Variants in CLEC2D observed in about 807,000 individuals in gnomAD.
CLEC2D encodes the protein C-type lectin domain family 2 member D.
A neutral mutation model predicts 20.0 loss-of-function variants in CLEC2D; 16 were observed. The ratio of observed to expected loss-of-function variants is 0.80; its 90% CI spans 0.54 to 1.22. The LOEUF is 1.22. Among genes scored for constraint, CLEC2D ranks in the 50% most tolerant of loss-of-function variants. The pLI is 0.00. For missense variants in CLEC2D, 207 were observed against 221.5 expected, an observed-to-expected ratio of 0.93 and a Z score of 0.42; for synonymous variants, 77 against 71.1, an observed-to-expected ratio of 1.08 and a Z score of -0.42.
rs185314720 is a variant in CLEC2D at position 9,679,123 on chromosome 12, G to A, written c.62-1800G>A. Among the ~76,000 whole-genome samples the A allele has an allele frequency of 7.0e-4, 107 of 152,002 alleles. No individual in the cohort carries two copies. The East Asian group carries it at 0.019, about 26-fold the overall frequency. On this transcript the variant is annotated intron_variant, in intron 1 of 4. Transcript: ENST00000290855. The stretch of plus-strand genomic sequence containing the variant: ...TTTATTTACATGTAAGAATACATAA[G>A]CATATAAATATATATAAAAGATGTA...
At chr12:9,680,564 T>C (rs185929281) in intron 1 of CLEC2D, among the ~76,000 whole-genome samples, 1 of 152,214 alleles carries the variant, frequency 6.6e-6, no homozygotes, top group Non-Finnish European at 1.5e-5. Flanking sequence ...GATTTCCTCT[T>C]AATATCATTT....
chr12:9,690,757 T>TA (rs1865844606), intron 3 of CLEC2D, among the ~76,000 whole-genome samples: 1 of 151,612 alleles, frequency 6.6e-6, no homozygotes, highest in Non-Finnish European at 1.5e-5. Flanking sequence ...TTACCAAAAT[T>TA]ATGCAGAAAA....
In CLEC2D at chr12:9,696,155, A is replaced by G. The variant is rs775188783; in HGVS notation, c.*1281A>G. On this transcript the variant is annotated 3_prime_UTR_variant, in exon 5 of 5. Coordinates refer to ENST00000290855, the MANE Select transcript of CLEC2D (RefSeq NM_013269.6). The stretch of plus-strand genomic sequence containing the variant: ...CCCAAAGTGGAAACCAAGTTCATCA[A>G]TTATGTGAAGAATTTCTTCTGGATG... 1.1e-5 allele frequency: 10 copies of G among 888,954 alleles called. No individual in the cohort carries two copies. Among genetic ancestry groups the G allele is most frequent in the Admixed American group, 3.4e-5 (2 of 58,660 alleles). 55.1% of individuals were successfully genotyped at this position (888,954 alleles called of 1,614,324 possible). A position where few individuals can be genotyped will look rare whatever the true frequency, so the allele number is the denominator to read the frequency against.
In CLEC2D at chr12:9,696,548, TAA is replaced by T. The variant is rs56394007; in HGVS notation, c.*1688_*1689del. ...AATAAAACTCAGTATTTTAATAAAGTAAAAAAAAAAAAAAAGGTATGGGGAAA... is the reference window on the plus strand; with the variant it reads ...AATAAAACTCAGTATTTTAATAAAGTAAAAAAAAAAAAAGGTATGGGGAAA... On this transcript the variant is annotated 3_prime_UTR_variant, in exon 5 of 5. Transcript: ENST00000290855. 0.032 allele frequency: 4,930 copies of T among 152,008 alleles called. 1 individual carries two copies. Among genetic ancestry groups the T allele is most frequent in the East Asian group, 0.095 (772 of 8,116 alleles). 9.4% of individuals were successfully genotyped at this position (152,008 alleles called of 1,614,324 possible).
At chr12:9,674,150 CT>C (rs1827536821) in intron 1 of CLEC2D, 1 of 152,232 alleles carries the variant, frequency 6.6e-6, no homozygotes, top group South Asian at 2.1e-4. Context: ...GTAAAAACTC[CT>C]GCAGCTCAGT....
intron 1 of CLEC2D, among the ~76,000 whole-genome samples, chr12:9,679,081 T>C (rs1865581583): frequency 6.6e-6 from 1 of 152,166 alleles, no homozygotes; most frequent in Non-Finnish European, 1.5e-5. Flanking sequence ...ATCCCATGTG[T>C]CATTTCTGTT....
intron 1 of CLEC2D, among the ~76,000 whole-genome samples, chr12:9,677,707 C>CTTTTTTTTTTTT (rs36120151): frequency 7.4e-4 from 91 of 122,354 alleles, no homozygotes; most frequent in Non-Finnish European, 9.3e-4. Flanking sequence ...TTCTTTCTTT[C>CTTTTTTTTTTTT]TTTTTTTTTT....
chr12:9,691,753 A>G (rs1865867548), intron 3 of CLEC2D, among the ~76,000 whole-genome samples: 1 of 152,196 alleles, frequency 6.6e-6, no homozygotes, highest in Non-Finnish European at 1.5e-5. Context: ...CACTGAACAT[A>G]GTTCTAAGAG....
chr12:9,694,940 G>T lies in CLEC2D; in HGVS notation c.*66G>T. The stretch of plus-strand genomic sequence containing the variant: ...GGAACTGATAACTCCATTTTAAAAT[G>T]AGCAAAGAATTTATTTCTTATACCA... On this transcript the variant is annotated 3_prime_UTR_variant, in exon 5 of 5. Coordinates refer to ENST00000290855, the MANE Select transcript of CLEC2D (RefSeq NM_013269.6). The T allele has an allele frequency of 1.2e-6, 1 of 820,232 alleles. No individual in the cohort carries two copies. 50.8% of individuals were successfully genotyped at this position (820,232 alleles called of 1,614,324 possible). A position where few individuals can be genotyped will look rare whatever the true frequency, so the allele number is the denominator to read the frequency against.
At chr12:9,686,435 T>C (rs1865751897) in intron 2 of CLEC2D, among the ~76,000 whole-genome samples, 1 of 152,164 alleles carries the variant, frequency 6.6e-6, no homozygotes, top group Admixed American at 6.5e-5. Context: ...TTAATAGTTA[T>C]AATTTGGTAT....
intron 1 of CLEC2D, among the ~76,000 whole-genome samples, chr12:9,673,521 G>C (rs1865463302): frequency 6.6e-6 from 1 of 152,260 alleles, no homozygotes; most frequent in Non-Finnish European, 1.5e-5. Context: ...GTCTCACCCA[G>C]TCAGGAGGCA....
At chr12:9,670,221 G>A (rs1291289644) in intron 1 of CLEC2D, among the ~76,000 whole-genome samples, 1 of 152,080 alleles carries the variant, frequency 6.6e-6, no homozygotes, top group African/African-American at 2.4e-5. Context: ...AGTAACAAAG[G>A]TTGAGTAGAA....
chr12:9,692,103 T>TTCTTTCTTTC (rs1865877695), intron 3 of CLEC2D, among the ~76,000 whole-genome samples: 1 of 151,646 alleles, frequency 6.6e-6, no homozygotes, highest in Admixed American at 6.6e-5. Context: ...TTCTCTTTCT[T>TTCTTTCTTTC]TCTTTCTTTC....
At position 9,688,079 on chromosome 12, in the gene CLEC2D, A is replaced by G; in HGVS notation, c.350A>G (p.Gln117Arg). The change falls in exon 3 of 5, where the codon CAG becomes CGG. Residue 117 changes from glutamine (Q) to arginine (R), a missense_variant. Physicochemically the swap from Gln to Arg is conservative, Grantham distance 43 (BLOSUM62 1). Coordinates refer to ENST00000290855, the MANE Select transcript of CLEC2D (RefSeq NM_013269.6). ...DADLAQVESF[Q>R]ELNFLLRYKG... The stretch of plus-strand genomic sequence containing the variant: ...GATCTTGCTCAGGTTGAAAGCTTCC[A>G]GGAACTGGTAAGAAAATAGTTCTGG... 1 of 1,586,982 alleles carries G rather than the reference A, an allele frequency of 6.3e-7. No homozygotes were observed. The highest frequency in any genetic ancestry group is 2.3e-5 in the East Asian group (1 of 42,920).
chr12:9,693,642 G>A, intron 4 of CLEC2D: 1 of 224,590 alleles, frequency 4.5e-6, no homozygotes, highest in Non-Finnish European at 9.0e-6. Context: ...TGGATGGGAT[G>A]GTAAGTTTTA....
At chr12:9,681,586 TC>T (rs757208100) in intron 2 of CLEC2D, among the ~76,000 whole-genome samples, 1 of 146,844 alleles carries the variant, frequency 6.8e-6, no homozygotes, top group Non-Finnish European at 1.5e-5. Flanking sequence ...ATCTTGTACT[TC>T]AAAACATGCT....
At chr12:9,687,399 G>A (rs1865772258) in intron 2 of CLEC2D, among the ~76,000 whole-genome samples, 2 of 152,202 alleles carry the variant, frequency 1.3e-5, no homozygotes, top group Non-Finnish European at 2.9e-5. Context: ...GGTAATGTGA[G>A]TGATGGGGAG....
intron 2 of CLEC2D, among the ~76,000 whole-genome samples, chr12:9,685,214 T>C (rs951227280): frequency 6.6e-6 from 1 of 152,232 alleles, no homozygotes; most frequent in African/African-American, 2.4e-5. Flanking sequence ...CTCTGGAAGC[T>C]TCATCCCAGA....
intron 2 of CLEC2D, among the ~76,000 whole-genome samples, chr12:9,681,652 C>G (rs775509477): frequency 6.6e-6 from 1 of 152,166 alleles, no homozygotes; most frequent in Non-Finnish European, 1.5e-5. Flanking sequence ...AAAAGCACTT[C>G]CCCCAAACCT....
Sources: gnomAD v4.1 joint callset for allele counts (sites outside exome capture counted in the v4.1 genomes callset) on GRCh38, gnomAD v4.1.1 for gene constraint, MANE v1.5 for transcripts, NCBI Gene and HGNC (gene_info 2026-07-23, HGNC 2026-07-21) for gene names.